The following LSAMP variants were observed in gnomAD, a reference collection of about 807,000 sequenced individuals.
The protein encoded by LSAMP is limbic system-associated membrane protein.
A neutral mutation model predicts 38.6 loss-of-function variants in LSAMP; 7 were observed. The ratio of observed to expected loss-of-function variants is 0.18; its 90% CI spans 0.10 to 0.34. LSAMP has a LOEUF of 0.34. Ranked by LOEUF, LSAMP falls within the 10% of genes least tolerant of loss-of-function variation. The pLI is 1.00. For synonymous variants in LSAMP, 154 were observed against 166.8 expected, an observed-to-expected ratio of 0.92 and a Z score of 0.59; for missense variants, 313 against 420.0, an observed-to-expected ratio of 0.75 and a Z score of 2.23.
intron 1 of LSAMP, among the ~76,000 whole-genome samples, chr3:116,334,757 C>T (rs1056682687): frequency 3.9e-5 from 6 of 151,934 alleles, no homozygotes; most frequent in Non-Finnish European, 8.8e-5. Flanking sequence ...TAAGTAAAGC[C>T]ATATATGAAA....
intron 1 of LSAMP, among the ~76,000 whole-genome samples, chr3:116,187,148 C>T (rs911158608): frequency 3.9e-5 from 6 of 152,120 alleles, no homozygotes; most frequent in Non-Finnish European, 7.4e-5. Context: ...CTATTTTGCA[C>T]GCTTTTCATA....
At chr3:116,180,492 G>T (rs763836460) in intron 1 of LSAMP, among the ~76,000 whole-genome samples, 2 of 152,052 alleles carry the variant, frequency 1.3e-5, no homozygotes, top group African/African-American at 2.4e-5. Flanking sequence ...ATTTCTGGGA[G>T]AGTGAAGAAC....
intron 1 of LSAMP, among the ~76,000 whole-genome samples, chr3:116,130,318 TATACAA>T (rs1356356386): frequency 1.3e-5 from 2 of 152,216 alleles, no homozygotes; most frequent in Non-Finnish European, 2.9e-5. Flanking sequence ...GGTAATTTAG[TATACAA>T]AGACAAAGAT....
rs182969300 is a variant in LSAMP at position 116,068,822 on chromosome 3, A to T, written c.388+17502T>A. On this transcript the variant is annotated intron_variant, in intron 2 of 6. Coordinates refer to ENST00000490035, the MANE Select transcript of LSAMP (RefSeq NM_002338.5). The stretch of plus-strand genomic sequence containing the variant: ...GTTCTGTGTGGTTTCAAAGAGAAAC[A>T]ATGCACATTCTGTACACTCTGGGAG... 8.5e-5 allele frequency among the ~76,000 whole-genome samples: 13 copies of T among 152,368 alleles called. No homozygotes were observed. The East Asian group carries it at 2.5e-3, about 29-fold the overall frequency.
chr3:116,431,657 T>G (rs903510037), intron 1 of LSAMP, among the ~76,000 whole-genome samples: 4 of 152,098 alleles, frequency 2.6e-5, no homozygotes, highest in Non-Finnish European at 5.9e-5. Flanking sequence ...GTTTATATTA[T>G]TCTAATCACG....
Position 115,810,094 on chromosome 3 carries a change from C to A in LSAMP, c.*223G>T. ...ATATCCCAGTAGAACCTTCTCCATC[C>A]TGAATGATACATAAATTTTTAATGA... is the stretch of plus-strand genomic sequence containing the variant. On this transcript the variant is annotated 3_prime_UTR_variant, in exon 7 of 7. Coordinates refer to ENST00000490035, the MANE Select transcript of LSAMP (RefSeq NM_002338.5). 2.0e-6 allele frequency: 1 copy of A among 505,294 alleles called. No individual in the cohort carries two copies. Among genetic ancestry groups the A allele is most frequent in the Non-Finnish European group, 3.5e-6 (1 of 284,098 alleles). The allele number at this position is 505,294 out of a possible 1,614,324, so 31.3% of individuals were successfully genotyped here.
intron 1 of LSAMP, among the ~76,000 whole-genome samples, chr3:116,319,190 T>C (rs184861578): frequency 6.6e-6 from 1 of 152,344 alleles, no homozygotes; most frequent in East Asian, 1.9e-4. Context: ...AAAAGTCAAA[T>C]GCAAATTAAA....
rs552461581 is a variant in LSAMP, at chr3:116,113,959, A to G, written c.156-27403T>C. Among the ~76,000 whole-genome samples, 6 of 152,286 alleles carry G rather than the reference A, an allele frequency of 3.9e-5. No individual in the cohort carries two copies. The South Asian group carries it at 1.2e-3, about 32-fold the overall frequency. Reference sequence around the variant, plus strand: ...TAAAACACTGATTGAAGCATGATTTACTGAATTTAACTTCTAAATGGGAGA... The same window carrying G: ...TAAAACACTGATTGAAGCATGATTTGCTGAATTTAACTTCTAAATGGGAGA... On this transcript the variant is annotated intron_variant, in intron 1 of 6. Transcript: ENST00000490035.
chr3:116,012,828 T>C (rs1334130326), intron 3 of LSAMP, among the ~76,000 whole-genome samples: 6 of 152,164 alleles, frequency 3.9e-5, no homozygotes, highest in Non-Finnish European at 8.8e-5. Flanking sequence ...ATATCAAGAA[T>C]TGCTAATACT....
intron 1 of LSAMP, among the ~76,000 whole-genome samples, chr3:116,332,117 G>A (rs543890893): frequency 6.6e-6 from 1 of 152,158 alleles, no homozygotes; most frequent in East Asian, 1.9e-4. Flanking sequence ...TGGGATTACA[G>A]GCATGAGCCA....
chr3:116,098,973 G>A (rs1708285484), intron 1 of LSAMP, among the ~76,000 whole-genome samples: 1 of 152,216 alleles, frequency 6.6e-6, no homozygotes, highest in Non-Finnish European at 1.5e-5. Flanking sequence ...AAGAATGATT[G>A]CAGCTGCAAT....
At chr3:116,206,024 A>G (rs1187347816) in intron 1 of LSAMP, among the ~76,000 whole-genome samples, 1 of 151,952 alleles carries the variant, frequency 6.6e-6, no homozygotes. Context: ...CTGTGAATGC[A>G]TCTGGCCCTG....
chr3:116,048,012 G>A (rs964553650), intron 2 of LSAMP, among the ~76,000 whole-genome samples: 1 of 152,098 alleles, frequency 6.6e-6, no homozygotes, highest in African/African-American at 2.4e-5. Flanking sequence ...CACCTTTACC[G>A]TTTGATGGCA....
intron 2 of LSAMP, among the ~76,000 whole-genome samples, chr3:116,061,432 G>A (rs956656721): frequency 9.4e-6 from 1 of 106,594 alleles, no homozygotes; most frequent in Admixed American, 9.5e-5. Context: ...CCATGCATGG[G>A]CATGGTGATA....
At chr3:116,142,580 C>G (rs1709394336) in intron 1 of LSAMP, among the ~76,000 whole-genome samples, 2 of 151,930 alleles carry the variant, frequency 1.3e-5, no homozygotes, top group South Asian at 4.1e-4. Context: ...ATACATTGAT[C>G]TTAGTTTTCT....
chr3:115,832,771 A>G (rs983808351), intron 6 of LSAMP, among the ~76,000 whole-genome samples: 3 of 152,182 alleles, frequency 2.0e-5, no homozygotes, highest in African/African-American at 4.8e-5. Context: ...TCTAAAAACT[A>G]TTGGATCTAA....
intron 2 of LSAMP, among the ~76,000 whole-genome samples, chr3:116,061,746 G>GT (rs1417182455): frequency 1.3e-5 from 2 of 151,898 alleles, no homozygotes; most frequent in African/African-American, 2.4e-5. Context: ...GACAGTTTTT[G>GT]TTTTTTTGTT....
At chr3:115,913,285 A>T (rs1270936421) in intron 3 of LSAMP, among the ~76,000 whole-genome samples, 1 of 152,188 alleles carries the variant, frequency 6.6e-6, no homozygotes, top group Non-Finnish European at 1.5e-5. Context: ...AGAGAATGTA[A>T]ATGATACTAT....
intron 1 of LSAMP, among the ~76,000 whole-genome samples, chr3:116,223,685 G>A (rs1451949417): frequency 6.6e-6 from 1 of 152,108 alleles, no homozygotes; most frequent in Non-Finnish European, 1.5e-5. Flanking sequence ...TTCTGAGGAT[G>A]GTATTTAATG....
Sources: allele counts gnomAD v4.1 joint callset (sites outside exome capture counted in the v4.1 genomes callset), GRCh38; gene constraint gnomAD v4.1.1; transcripts MANE v1.5; gene names NCBI Gene and HGNC (gene_info 2026-07-23, HGNC 2026-07-21).